The following ACAN variants were observed in gnomAD, a reference collection of about 807,000 sequenced individuals.
ACAN encodes aggrecan.
Under a neutral mutation model 169.1 loss-of-function variants are expected in ACAN, and 47 were observed. The observed-to-expected ratio is 0.28, with a 90% confidence interval of 0.22 to 0.35. The LOEUF is 0.35. ACAN is among the 10% of genes least tolerant of loss of function. The pLI, the probability that ACAN is intolerant of heterozygous loss-of-function variation, is 1.00. For missense variants in ACAN, 2,716 were observed against 2,759.9 expected (o/e 0.98, Z 0.36); for synonymous variants, 1,115 against 1,112.2 (o/e 1.00, Z -0.05).
At chr15:88,819,184 C>T (rs1018867030) in intron 1 of ACAN, among the ~76,000 whole-genome samples, 4 of 152,092 alleles carry the variant, frequency 2.6e-5, no homozygotes, top group Non-Finnish European at 5.9e-5. Flanking sequence ...GGGGACATGC[C>T]AGAGACAGCT....
At chr15:88,815,533 T>C (rs1258683397) in intron 1 of ACAN, among the ~76,000 whole-genome samples, 1 of 144,004 alleles carries the variant, frequency 6.9e-6, no homozygotes, top group Non-Finnish European at 1.5e-5. Context: ...CACTCCAGCC[T>C]GGGTGACAGA....
At chr15:88,833,014 G>A (rs921261783) in intron 1 of ACAN, among the ~76,000 whole-genome samples, 1 of 152,182 alleles carries the variant, frequency 6.6e-6, no homozygotes, top group East Asian at 1.9e-4. Flanking sequence ...AGCAGTAGGC[G>A]TCCACCCACG....
chr15:88,871,431 C>T lies in ACAN; in HGVS notation c.7110C>T (p.Tyr2370=), dbSNP rs749069893. 9.3e-6 allele frequency: 15 copies of T among 1,613,820 alleles called. No homozygotes were observed. In the South Asian group the frequency reaches 1.4e-4, roughly 15 times the overall value. ...GGAACAAGTACCAGGGCCACTGTTA[C>T]CGCCACTTCCCGGACCGCGAGACCT... ...EGWNKYQGHC[Y]RHFPDRETWV... Residue 2370 remains tyrosine, a synonymous_variant, in exon 15 of 19, where the codon TAC becomes TAT. Coordinates refer to ENST00000560601, the MANE Select transcript of ACAN (RefSeq NM_001369268.1). This position sits in a 1 kb window ranked among gnomAD's most constrained non-coding sequence, Gnocchi z 7.8.
At chr15:88,841,364 T>C (rs1896656303) in intron 4 of ACAN, among the ~76,000 whole-genome samples, 1 of 152,240 alleles carries the variant, frequency 6.6e-6, no homozygotes. Context: ...CTTGCTTCTG[T>C]AAATAAAGTT....
intron 1 of ACAN, among the ~76,000 whole-genome samples, chr15:88,804,899 G>T (rs1216582330): frequency 6.6e-6 from 1 of 152,156 alleles, no homozygotes; most frequent in Non-Finnish European, 1.5e-5. Context: ...GGTTAGCACG[G>T]TGTTTTGGGG....
chr15:88,803,641 A>C lies in ACAN; in HGVS notation c.-176A>C, dbSNP rs533641712. On this transcript the variant is annotated 5_prime_UTR_variant, in exon 1 of 19. Coordinates refer to ENST00000560601, the MANE Select transcript of ACAN (RefSeq NM_001369268.1). ...CAGTTGCCGCTGCGGCCACAGCCCG[A>C]GGGGACCTGCGGACAGGACGCCGGC... 1.3e-5 allele frequency: 2 copies of C among 151,800 alleles called. No homozygotes were observed. The highest frequency in any genetic ancestry group is 2.9e-5 in the Non-Finnish European group (2 of 67,986). The allele number at this position is 151,800 out of a possible 1,614,324, so 9.4% of individuals were successfully genotyped here.
Position 88,868,320 on chromosome 15 carries a change from T to C in ACAN, c.7051T>C (p.Cys2351Arg). The change falls in exon 14 of 19, where the codon TGT (cysteine) becomes CGT (arginine). Residue 2351 changes from cysteine to arginine, a missense_variant. By Grantham distance (180) the Cys-to-Arg change is radical. This residue lies in a region of ACAN where 1,389 missense variants were observed against 1,363.7 expected (regional missense o/e 1.02). Coordinates refer to ENST00000560601, the MANE Select transcript of ACAN (RefSeq NM_001369268.1). The surrounding 1 kb of genome is among the most constrained non-coding windows in gnomAD (Gnocchi z 5.2). ...CCTTCCCAGCTACGAAGGGGACCTG[T>C]GTGAGATTGGTACGGCCGTCTTGGC... ...LCLPSYEGDL[C>R]EIDQEVCEEG... The C allele has an allele frequency of 1.4e-6, 1 of 702,808 alleles. No homozygotes were observed. The highest frequency in any genetic ancestry group is 1.5e-5 in the South Asian group (1 of 67,586). The allele number at this position is 702,808 out of a possible 1,614,324, so 43.5% of individuals were successfully genotyped here.
chr15:88,846,931 T>C (rs1282834367), intron 7 of ACAN, among the ~76,000 whole-genome samples: 1 of 152,234 alleles, frequency 6.6e-6, no homozygotes, highest in African/African-American at 2.4e-5. Context: ...AGGTGCTTAA[T>C]ACATGTGTGA....
In ACAN at chr15:88,868,338, G is replaced by A. The variant is rs541085535; in HGVS notation, c.7060+9G>A. Reference sequence around the variant, plus strand: ...GGACCTGTGTGAGATTGGTACGGCCGTCTTGGCTTCAGCTAATGTTACTAA... The same window carrying A: ...GGACCTGTGTGAGATTGGTACGGCCATCTTGGCTTCAGCTAATGTTACTAA... On this transcript the variant is annotated intron_variant, in intron 14 of 18. Coordinates refer to ENST00000560601, the MANE Select transcript of ACAN (RefSeq NM_001369268.1). The surrounding 1 kb of genome is among the most constrained non-coding windows in gnomAD (Gnocchi z 5.2). 17 of 702,336 alleles carry A rather than the reference G, an allele frequency of 2.4e-5. No homozygotes were observed. Among genetic ancestry groups the A allele is most frequent in the Middle Eastern group, 2.3e-4 (1 of 4,348 alleles). 43.5% of individuals were successfully genotyped at this position (702,336 alleles called of 1,614,324 possible).
rs2141602325 is a variant in ACAN, at chr15:88,854,986, C to A, written c.2401C>A (p.Pro801Thr). 1 of 1,597,282 alleles carries A rather than the reference C, an allele frequency of 6.3e-7. No individual in the cohort carries two copies. Among genetic ancestry groups the A allele is most frequent in the East Asian group, 2.3e-5 (1 of 44,416 alleles). The change falls in exon 12 of 19, where the codon CCC (proline) becomes ACC (threonine). Residue 801 changes from proline (P) to threonine (T), a missense_variant. By Grantham distance (38) the Pro-to-Thr change is conservative. Transcript: ENST00000560601. ...EVPFPSEEPS[P>T]SEEPFPSVRP... Reference sequence around the variant, plus strand: ...GCCATTCCCCTCAGAGGAGCCATCCCCCTCAGAGGAACCATTCCCCTCAGT... The same window carrying A: ...GCCATTCCCCTCAGAGGAGCCATCCACCTCAGAGGAACCATTCCCCTCAGT...
In ACAN at chr15:88,857,177, GAGA is replaced by G. The variant is rs1459427185; in HGVS notation, c.4598_4600del (p.Glu1533del). 5 of 1,613,456 alleles carry G rather than the reference GAGA, an allele frequency of 3.1e-6. No individual in the cohort carries two copies. The highest frequency in any genetic ancestry group is 4.5e-5 in the East Asian group (2 of 44,858). On this transcript the variant is annotated inframe_deletion, in exon 12 of 19. Transcript: ENST00000560601. ...GAGGACCTCAGCAGGCTCCCTTCTG[GAGA>G]AGAAGTTCTAGAGATTTCTGCCTCT...
chr15:88,859,172 C>T lies in ACAN; in HGVS notation c.6587C>T (p.Thr2196Ile). Reference sequence around the variant, plus strand: ...ACTCCCACGGCTTCTGGAGACAGGACTGAAATCAGCGGAGACCTGTCTGGT... The same window carrying T: ...ACTCCCACGGCTTCTGGAGACAGGATTGAAATCAGCGGAGACCTGTCTGGT... Reference protein sequence around the residue: ...SATPTASGDRTEISGDLSGHT... With the variant: ...SATPTASGDRIEISGDLSGHT... The change falls in exon 12 of 19, where the codon ACT (threonine) becomes ATT (isoleucine). Residue 2196 changes from threonine (T) to isoleucine (I), a missense_variant. Thr to Ile is a moderately conservative substitution (Grantham distance 89). Transcript: ENST00000560601. The T allele has an allele frequency of 6.2e-7, 1 of 1,613,840 alleles. No homozygotes were observed. Among genetic ancestry groups the T allele is most frequent in the Non-Finnish European group, 8.5e-7 (1 of 1,179,898 alleles).
rs757773708 is a variant in ACAN at position 88,849,400 on chromosome 15, T to TG, written c.1733-31dup. The TG allele has an allele frequency of 3.2e-5, 48 of 1,521,500 alleles. No homozygotes were observed. Among genetic ancestry groups the TG allele is most frequent in the Admixed American group, 2.1e-4 (11 of 52,450 alleles). The allele number at this position is 1,521,500 out of a possible 1,614,324, so 94.2% of individuals were successfully genotyped here. A position where few individuals can be genotyped will look rare whatever the true frequency, so the allele number is the denominator to read the frequency against. On this transcript the variant is annotated intron_variant, in intron 9 of 18. Transcript: ENST00000560601. This position sits in a 1 kb window ranked among gnomAD's most constrained non-coding sequence, Gnocchi z 5.1. ...GGCAGGGATGGACCTGGCCTGAGTGTGGGGGGGTCATATTCTACCCCTTGC... is the reference window on the plus strand; with the variant it reads ...GGCAGGGATGGACCTGGCCTGAGTGTGGGGGGGGTCATATTCTACCCCTTGC...
chr15:88,824,860 C>G (rs2141526841), intron 1 of ACAN, among the ~76,000 whole-genome samples: 1 of 150,578 alleles, frequency 6.6e-6, no homozygotes, highest in East Asian at 2.0e-4. Context: ...CCACTGCACT[C>G]TAGACTGGCT....
At chr15:88,860,482 G>C in intron 13 of ACAN, 43 bp downstream of exon 13, 2 of 1,554,256 alleles carry the variant, frequency 1.3e-6, no homozygotes, top group African/African-American at 1.4e-5. Flanking sequence ...CGGAGGCGCT[G>C]GACAGACTTC....
At chr15:88,862,701 A>G (rs1897218758) in intron 13 of ACAN, among the ~76,000 whole-genome samples, 1 of 152,214 alleles carries the variant, frequency 6.6e-6, no homozygotes, top group Non-Finnish European at 1.5e-5. Flanking sequence ...CAGGTTGTTA[A>G]AAAGACCACG....
At position 88,858,564 on chromosome 15, in the gene ACAN, G is replaced by T. The variant is rs774599873; in HGVS notation, c.5979G>T (p.Glu1993Asp). The change falls in exon 12 of 19, where the codon GAG (glutamate) becomes GAT (aspartate). Residue 1993 changes from glutamate to aspartate, a missense_variant. By Grantham distance (45) the Glu-to-Asp change is conservative. This residue lies in a region of ACAN where 1,389 missense variants were observed against 1,363.7 expected (regional missense o/e 1.02). Transcript: ENST00000560601. This position sits in a 1 kb window ranked among gnomAD's most constrained non-coding sequence, Gnocchi z 4.0. The stretch of plus-strand genomic sequence containing the variant: ...GTGGGCTGCAGTCCGGGCTGATAGA[G>T]CCCAGCGGAGAGCCACCAGGTACTC... ...DLSGLQSGLI[E>D]PSGEPPGTPY... 9.9e-6 allele frequency: 16 copies of T among 1,613,890 alleles called. No homozygotes were observed. In the African/African-American group the frequency reaches 2.0e-4, roughly 20 times the overall value.
At position 88,859,263 on chromosome 15, in the gene ACAN, C is replaced by T; in HGVS notation, c.6678C>T (p.Thr2226=). 6.2e-7 allele frequency: 1 copy of T among 1,613,886 alleles called. No individual in the cohort carries two copies. The highest frequency in any genetic ancestry group is 8.5e-7 in the Non-Finnish European group (1 of 1,179,872). ...SIPESEWTQQ[T]QRPAETHLEI... ...CAGAGTCTGAGTGGACCCAGCAGAC[C>T]CAGCGCCCTGCAGAGACGCATCTAG... The change falls in exon 12 of 19, where the codon ACC becomes ACT. Residue 2226 remains threonine, a synonymous_variant. Coordinates refer to ENST00000560601, the MANE Select transcript of ACAN (RefSeq NM_001369268.1).
intron 9 of ACAN, 65 bp downstream of exon 9, chr15:88,848,103 G>A: frequency 6.3e-7 from 1 of 1,585,820 alleles, no homozygotes; most frequent in South Asian, 1.1e-5. Flanking sequence ...AGCTGACAGG[G>A]CGATACAAAG....
Sources: gnomAD v4.1 joint callset for allele counts (sites outside exome capture counted in the v4.1 genomes callset) on GRCh38, gnomAD v4.1.1 for gene constraint, gnomAD v4.1.1 regional missense constraint, Gnocchi (gnomAD v3.1) non-coding constraint, MANE v1.5 for transcripts, NCBI Gene and HGNC (gene_info 2026-07-23, HGNC 2026-07-21) for gene names.